The following PCDH20 variants were observed in gnomAD, a reference collection of about 807,000 sequenced individuals.
The protein encoded by PCDH20 is protocadherin-20.
A neutral mutation model predicts 39.7 loss-of-function variants in PCDH20; 18 were observed. That is an observed-to-expected ratio of 0.45 (90% CI 0.31 to 0.67). PCDH20 has a LOEUF of 0.67. Among genes scored for constraint, PCDH20 ranks in the 30% least tolerant of loss-of-function variants. The pLI is 0.05. For synonymous variants in PCDH20, 495 were observed against 455.4 expected (o/e 1.09, Z -1.11); for missense variants, 1,161 against 1,167.4 (o/e 0.99, Z 0.08).
chr13:61,412,832 G>A (rs1303738336), exon 2 of PCDH20: 3 of 1,613,864 alleles, frequency 1.9e-6, no homozygotes, highest in Admixed American at 1.7e-5. Flanking sequence ...ATTTCAGGGG[G>A]TCTGAAAATA....
exon 1 of PCDH20, chr13:61,415,403 C>A: frequency 4.9e-6 from 2 of 404,460 alleles, no homozygotes; most frequent in Non-Finnish European, 8.4e-6. Context: ...CTCCTGAAGA[C>A]TGCGAAGAGG....
Position 61,415,016 on chromosome 13 carries a change from C to CT in PCDH20, c.132+10dup, listed in dbSNP as rs1871508918. On this transcript the variant is annotated intron_variant, in intron 1 of 1. Transcript: ENST00000409204. ...GTCGGGGTCGCGGGGTTCCTTGACCCTAACCCTTACCGGCAGGTTCCTGTA... is the reference window on the plus strand; with the variant it reads ...GTCGGGGTCGCGGGGTTCCTTGACCCTTAACCCTTACCGGCAGGTTCCTGTA... The CT allele has an allele frequency of 6.8e-7, 1 of 1,461,918 alleles. No homozygotes were observed. Among genetic ancestry groups the CT allele is most frequent in the South Asian group, 1.4e-5 (1 of 71,996 alleles). 90.6% of individuals were successfully genotyped at this position (1,461,918 alleles called of 1,614,324 possible).
exon 2 of PCDH20, chr13:61,411,053 C>A: frequency 4.5e-6 from 2 of 443,198 alleles, no homozygotes; most frequent in Non-Finnish European, 8.1e-6. Flanking sequence ...CTAATTTTCA[C>A]TTAAAAATGC....
exon 2 of PCDH20, chr13:61,412,823 T>C: frequency 6.2e-7 from 1 of 1,614,034 alleles, no homozygotes. Context: ...CGAGGGACAA[T>C]TTCAGGGGGT....
At chr13:61,414,195 C>A (rs1871485808) in intron 1 of PCDH20, among the ~76,000 whole-genome samples, 1 of 152,036 alleles carries the variant, frequency 6.6e-6, no homozygotes, top group African/African-American at 2.4e-5. Flanking sequence ...TCCGCCCCCG[C>A]CTTCCCCCCT....
exon 2 of PCDH20, chr13:61,411,914 T>C (rs1878253854): frequency 6.2e-7 from 1 of 1,614,178 alleles, no homozygotes; most frequent in Non-Finnish European, 8.5e-7. Context: ...AGGAGAATTG[T>C]GATTTTTGCT....
At chr13:61,411,438 C>T in exon 2 of PCDH20, 1 of 1,614,082 alleles carries the variant, frequency 6.2e-7, no homozygotes, top group Non-Finnish European at 8.5e-7. Flanking sequence ...CTAAGGTGGG[C>T]ATACAAGACA....
At chr13:61,414,023 G>T in intron 1 of PCDH20, 57 bp from the exon 2 acceptor site, 1 of 1,429,646 alleles carries the variant, frequency 7.0e-7, no homozygotes, top group South Asian at 1.3e-5. Flanking sequence ...AGGGGTCCGA[G>T]AGAGAAACTA....
At chr13:61,411,778 G>T (rs1200087935) in exon 2 of PCDH20, 1 of 1,614,202 alleles carries the variant, frequency 6.2e-7, no homozygotes, top group Admixed American at 1.7e-5. Flanking sequence ...ATTCATGCCT[G>T]TGTCTTTGTC....
chr13:61,411,158 G>C, exon 2 of PCDH20: 8 of 1,137,510 alleles, frequency 7.0e-6, no homozygotes, highest in Non-Finnish European at 1.0e-5. Flanking sequence ...TCCTTCATTG[G>C]AACTGCCATC....
exon 1 of PCDH20, chr13:61,415,170 C>A: frequency 7.1e-7 from 1 of 1,408,316 alleles, no homozygotes; most frequent in Admixed American, 2.8e-5. Flanking sequence ...CCCTGGGAGG[C>A]TGCAGTCAGA....
At chr13:61,413,476 T>C (rs1198044707) in exon 2 of PCDH20, 1 of 1,613,654 alleles carries the variant, frequency 6.2e-7, no homozygotes, top group Non-Finnish European at 8.5e-7. Flanking sequence ...AACAGGGAAC[T>C]GCGGGGCGTT....
At chr13:61,413,658 G>C in exon 2 of PCDH20, 1 of 1,614,122 alleles carries the variant, frequency 6.2e-7, no homozygotes, top group Non-Finnish European at 8.5e-7. Context: ...CCTCCCTGTC[G>C]ATCTCCTGAG....
exon 2 of PCDH20, chr13:61,413,710 T>A: frequency 6.2e-7 from 1 of 1,613,898 alleles, no homozygotes; most frequent in Non-Finnish European, 8.5e-7. Context: ...TAGGGTCACG[T>A]ACTGGCCACT....
chr13:61,413,996 T>C (rs1208722748), intron 1 of PCDH20, 30 bp from the exon 2 acceptor site: 13 of 1,560,860 alleles, frequency 8.3e-6, no homozygotes, highest in Non-Finnish European at 1.1e-5. Flanking sequence ...GAAAGCTCAT[T>C]ACACACACGG....
At chr13:61,414,091 A>G in intron 1 of PCDH20, 125 bp from the exon 2 acceptor site, 1 of 842,674 alleles carries the variant, frequency 1.2e-6, no homozygotes. Flanking sequence ...ACCTCTAATT[A>G]GAACGGGGGC....
chr13:61,412,926 C>T (rs1382906479), exon 2 of PCDH20: 1 of 1,614,120 alleles, frequency 6.2e-7, no homozygotes. Flanking sequence ...TGTGGGACTC[C>T]AGAACACTTC....
chr13:61,412,951 A>G, exon 2 of PCDH20: 1 of 1,614,168 alleles, frequency 6.2e-7, no homozygotes, highest in Non-Finnish European at 8.5e-7. Flanking sequence ...AATCTTACTG[A>G]AAAGTTTAAT....
chr13:61,413,098 G>C, exon 2 of PCDH20: 1 of 1,614,196 alleles, frequency 6.2e-7, no homozygotes, highest in Non-Finnish European at 8.5e-7. Flanking sequence ...GGTGCCCACT[G>C]TAGCATTCCC....
Sources: allele counts gnomAD v4.1 joint callset (sites outside exome capture counted in the v4.1 genomes callset), GRCh38; gene constraint gnomAD v4.1.1; transcripts MANE v1.5; gene names NCBI Gene and HGNC (gene_info 2026-07-23, HGNC 2026-07-21).